The following RBPMS variants were observed in gnomAD, a reference collection of about 807,000 sequenced individuals.
RBPMS encodes RNA-binding protein with multiple splicing.
A neutral mutation model predicts 26.8 loss-of-function variants in RBPMS; 7 were observed. The observed-to-expected ratio is 0.26, with a 90% CI of 0.15 to 0.49. The LOEUF (loss-of-function observed/expected upper bound fraction) is 0.49. Ranked by LOEUF, RBPMS falls within the 20% of genes least tolerant of loss-of-function variation. RBPMS has a pLI of 0.98. For synonymous variants in RBPMS, 96 were observed against 93.3 expected (o/e 1.03, Z -0.17); for missense variants, 186 against 250.0 (o/e 0.74, Z 1.73).
chr8:30,531,476 A>G (rs531463037), intron 5 of RBPMS, among the ~76,000 whole-genome samples: 20 of 152,342 alleles, frequency 1.3e-4, no homozygotes, highest in African/African-American at 4.8e-4. Flanking sequence ...AGTGATCCTC[A>G]TGAGATAGAA....
intron 1 of RBPMS, among the ~76,000 whole-genome samples, chr8:30,436,957 C>A (rs924749466): frequency 2.7e-5 from 4 of 147,618 alleles, no homozygotes; most frequent in African/African-American, 1.0e-4. Flanking sequence ...GAGTCTTGCT[C>A]TGTCGCCCAG....
intron 4 of RBPMS, among the ~76,000 whole-genome samples, chr8:30,488,418 A>G (rs985594222): frequency 3.3e-5 from 5 of 152,250 alleles, no homozygotes; most frequent in Admixed American, 6.5e-5. Context: ...ATAAAAGAAC[A>G]TTGAATAGAA....
At chr8:30,511,547 GTGTA>G (rs1164802561) in intron 5 of RBPMS, among the ~76,000 whole-genome samples, 1,534 of 125,004 alleles carry the variant, frequency 0.012, 70 homozygotes, top group African/African-American at 0.037. Context: ...GTGTGTGTGT[GTGTA>G]TGTATAGATA....
chr8:30,543,705 C>A (rs918985795), intron 5 of RBPMS, among the ~76,000 whole-genome samples: 3 of 152,084 alleles, frequency 2.0e-5, no homozygotes, highest in African/African-American at 7.2e-5. Flanking sequence ...ACATGGGAGG[C>A]CCAGGCACTT....
chr8:30,517,752 C>T (rs1485587525), intron 5 of RBPMS, among the ~76,000 whole-genome samples: 2 of 152,188 alleles, frequency 1.3e-5, no homozygotes, highest in Non-Finnish European at 2.9e-5. Context: ...ATAGACAATG[C>T]TTGTGCAACT....
At position 30,433,488 on chromosome 8, in the gene RBPMS, T is replaced by G. The variant is rs1474602755; in HGVS notation, c.67-41291T>G. On this transcript the variant is annotated intron_variant, in intron 1 of 8. Coordinates refer to ENST00000397323, the MANE Select transcript of RBPMS (RefSeq NM_001008710.3). ...GAGTTTGAGACCAGCTTGGGCACCA[T>G]GGCAAAACCCTGTCTCTACTAACAT... 2.6e-5 allele frequency among the ~76,000 whole-genome samples: 4 copies of G among 152,184 alleles called. No individual in the cohort carries two copies. The East Asian group carries it at 7.7e-4, about 29-fold the overall frequency.
intron 6 of RBPMS, among the ~76,000 whole-genome samples, chr8:30,552,060 C>T (rs1211709786): frequency 6.6e-6 from 1 of 152,176 alleles, no homozygotes; most frequent in Non-Finnish European, 1.5e-5. Context: ...ACAGGGACTC[C>T]TGACCAGCAC....
intron 7 of RBPMS, chr8:30,565,091 T>C (rs1827792427): frequency 6.6e-6 from 1 of 152,224 alleles, no homozygotes; most frequent in Admixed American, 6.5e-5. Flanking sequence ...TTGGGTGAGC[T>C]GATTGATAGG....
chr8:30,532,858 C>T (rs1455069003), intron 5 of RBPMS, among the ~76,000 whole-genome samples: 4 of 151,964 alleles, frequency 2.6e-5, no homozygotes, highest in South Asian at 2.1e-4. Flanking sequence ...TAGTACATTC[C>T]GCTACCCACT....
At chr8:30,526,435 C>T (rs181988360) in intron 5 of RBPMS, among the ~76,000 whole-genome samples, 1 of 152,184 alleles carries the variant, frequency 6.6e-6, no homozygotes, top group East Asian at 1.9e-4. Flanking sequence ...ATTCAGGCTG[C>T]GGCATTGATA....
intron 5 of RBPMS, among the ~76,000 whole-genome samples, chr8:30,506,588 G>T (rs757751674): frequency 6.6e-6 from 1 of 152,046 alleles, no homozygotes; most frequent in East Asian, 1.9e-4. Context: ...GGGTCTACAC[G>T]GACAAACCCA....
At chr8:30,421,453 T>A in intron 1 of RBPMS, among the ~76,000 whole-genome samples, 1 of 152,196 alleles carries the variant, frequency 6.6e-6, no homozygotes, top group Admixed American at 6.5e-5. Flanking sequence ...TCCTCTATAG[T>A]GTTTTTGTTA....
At chr8:30,434,743 G>C (rs2150681978) in intron 1 of RBPMS, among the ~76,000 whole-genome samples, 1 of 148,494 alleles carries the variant, frequency 6.7e-6, no homozygotes, top group South Asian at 2.1e-4. Context: ...AGTCAGTCCA[G>C]ATTTGCAGAA....
At position 30,424,463 on chromosome 8, in the gene RBPMS, C is replaced by T. The variant is rs547043216; in HGVS notation, c.66+39305C>T. Among the ~76,000 whole-genome samples, 5 of 152,214 alleles carry T rather than the reference C, an allele frequency of 3.3e-5. No homozygotes were observed. The South Asian group carries it at 8.3e-4, about 25-fold the overall frequency. ...AAATGAGGGCAGGTTATAGAGCAGT[C>T]GGTCAATAAGCCCAGCTTTTGTGAC... On this transcript the variant is annotated intron_variant, in intron 1 of 8. Transcript: ENST00000397323.
chr8:30,569,941 G>C (rs1380871238), intron 8 of RBPMS, among the ~76,000 whole-genome samples: 2 of 152,182 alleles, frequency 1.3e-5, no homozygotes, highest in Non-Finnish European at 2.9e-5. Flanking sequence ...AGGGTGTCCA[G>C]GGCCCACTGT....
At chr8:30,559,029 C>T (rs1049270487) in intron 7 of RBPMS, 73 bp downstream of exon 7, 24 of 1,243,026 alleles carry the variant, frequency 1.9e-5, no homozygotes, top group East Asian at 4.7e-5. Context: ...GCGCCATGAA[C>T]GCAGCTCTCC....
chr8:30,412,079 C>A (rs907154918), intron 1 of RBPMS, among the ~76,000 whole-genome samples: 1 of 152,052 alleles, frequency 6.6e-6, no homozygotes, highest in African/African-American at 2.4e-5. Flanking sequence ...CAGTTACTGA[C>A]AAAGTCGAGG....
chr8:30,453,747 A>C (rs564731499), intron 1 of RBPMS: 2 of 152,198 alleles, frequency 1.3e-5, no homozygotes, highest in South Asian at 2.1e-4. Flanking sequence ...CTTCCCAACG[A>C]TCTTCAGTGG....
intron 5 of RBPMS, among the ~76,000 whole-genome samples, chr8:30,507,227 G>C (rs1360913851): frequency 6.6e-6 from 1 of 152,178 alleles, no homozygotes; most frequent in East Asian, 1.9e-4. Flanking sequence ...TTATTGACAA[G>C]CTTTGTGACC....
Sources: allele counts gnomAD v4.1 joint callset (sites outside exome capture counted in the v4.1 genomes callset), GRCh38; gene constraint gnomAD v4.1.1; transcripts MANE v1.5; gene names NCBI Gene and HGNC (gene_info 2026-07-23, HGNC 2026-07-21).